The following ERCC4 variants were observed in gnomAD, a reference collection of about 807,000 sequenced individuals.
ERCC4 encodes ERCC excision repair 4, endonuclease catalytic subunit.
Under a neutral mutation model 76.9 loss-of-function variants are expected in ERCC4, and 65 were observed. The ratio of observed to expected loss-of-function variants is 0.84; its 90% CI spans 0.69 to 1.04. The LOEUF (loss-of-function observed/expected upper bound fraction) is 1.04, where lower values mean the gene tolerates loss of function less well. Ranked by LOEUF, ERCC4 falls within the 50% of genes least tolerant of loss-of-function variation. The pLI is 0.00. For missense variants in ERCC4, 1,214 were observed against 1,128.2 expected, an observed-to-expected ratio of 1.08 and a Z score of -1.09; for synonymous variants, 463 against 410.1, an observed-to-expected ratio of 1.13 and a Z score of -1.56.
intron 1 of ERCC4, among the ~76,000 whole-genome samples, chr16:13,920,696 C>G (rs1483806546): frequency 6.6e-6 from 1 of 151,898 alleles, no homozygotes; most frequent in Non-Finnish European, 1.5e-5. Flanking sequence ...ATGCCAGTCC[C>G]TGACACTGTG....
chr16:13,949,048 A>T lies in ERCC4; in HGVS notation c.*701A>T, dbSNP rs146955145. ...AGCCTTCCTACTACTAATTCAAGAC[A>T]GTCTCCTCAAAAACTGGTTGACTAG... On this transcript the variant is annotated 3_prime_UTR_variant, in exon 11 of 11. Coordinates refer to ENST00000311895, the MANE Select transcript of ERCC4 (RefSeq NM_005236.3). The T allele has an allele frequency of 1.7e-3, 407 of 233,072 alleles. No individual in the cohort carries two copies. The highest frequency in any genetic ancestry group is 8.2e-3 in the African/African-American group (374 of 45,462). The allele number at this position is 233,072 out of a possible 1,614,324, so 14.4% of individuals were successfully genotyped here.
intron 9 of ERCC4, among the ~76,000 whole-genome samples, chr16:13,944,503 A>T (rs2032477377): frequency 6.6e-6 from 1 of 152,092 alleles, no homozygotes; most frequent in Non-Finnish European, 1.5e-5. Context: ...GAAAATCAAG[A>T]AGTAGTATCC....
chr16:13,927,282 G>T (rs1193908306), intron 3 of ERCC4, among the ~76,000 whole-genome samples: 2 of 152,180 alleles, frequency 1.3e-5, no homozygotes, highest in African/African-American at 4.8e-5. Flanking sequence ...TTGTACACCG[G>T]GTGCAGTGGC....
Position 13,920,206 on chromosome 16 carries a change from C to A in ERCC4, c.41C>A (p.Pro14Gln). 1.9e-6 allele frequency: 3 copies of A among 1,607,356 alleles called. No individual in the cohort carries two copies. Among genetic ancestry groups the A allele is most frequent in the Non-Finnish European group, 2.5e-6 (3 of 1,179,928 alleles). Reference protein sequence around the residue: ...GQPARRIAMAPLLEYERQLVL... With the variant: ...GQPARRIAMAQLLEYERQLVL... ...CCGGCTCGACGGATTGCCATGGCGC[C>A]GCTGCTGGAGTACGAGCGACAGCTG... The change falls in exon 1 of 11, where the codon CCG (proline) becomes CAG (glutamine). Residue 14 changes from proline to glutamine, a missense_variant. Coordinates refer to ENST00000311895, the MANE Select transcript of ERCC4 (RefSeq NM_005236.3).
chr16:13,932,214 A>G lies in ERCC4; in HGVS notation c.1031A>G (p.Tyr344Cys), dbSNP rs145851520. The change falls in exon 6 of 11, where the codon TAT becomes TGT. Residue 344 changes from tyrosine to cysteine, a missense_variant. Transcript: ENST00000311895. ...TTTATAAATGCTCGAGCAAGGGTTT[A>G]TCATCTTCCAGATGCCAAAATGAGT... The part of the protein sequence containing the change: ...SMFINARARV[Y>C]HLPDAKMSKK... 3.9e-5 allele frequency: 63 copies of G among 1,612,574 alleles called. No homozygotes were observed. Among genetic ancestry groups the G allele is most frequent in the South Asian group, 1.1e-4 (10 of 91,006 alleles).
At chr16:13,933,112 C>T (rs971915306) in intron 6 of ERCC4, 5 of 359,810 alleles carry the variant, frequency 1.4e-5, no homozygotes, top group Non-Finnish European at 2.7e-5. Flanking sequence ...GTGCACTTAT[C>T]GTCTCAGCTA....
chr16:13,925,268 TGA>T (rs1369846057), intron 2 of ERCC4, among the ~76,000 whole-genome samples: 1 of 152,262 alleles, frequency 6.6e-6, no homozygotes. Flanking sequence ...TTTCTTAAAT[TGA>T]GTTTCTCCTT....
Position 13,935,148 on chromosome 16 carries a change from C to G in ERCC4, c.1216C>G (p.Gln406Glu). 1 of 1,610,264 alleles carries G rather than the reference C, an allele frequency of 6.2e-7. No homozygotes were observed. Among genetic ancestry groups the G allele is most frequent in the Non-Finnish European group, 8.5e-7 (1 of 1,176,536 alleles). The change falls in exon 8 of 11, where the codon CAA becomes GAA. Residue 406 changes from glutamine (Q) to glutamate (E), a missense_variant and splice_region_variant. By Grantham distance (29) the Gln-to-Glu change is conservative. Transcript: ENST00000311895. ...ATAATGTTGTTTTCTATTTTCAGGTCAAGTACTGATTTGTGCAAGTGATGA... is the reference window on the plus strand; with the variant it reads ...ATAATGTTGTTTTCTATTTTCAGGTGAAGTACTGATTTGTGCAAGTGATGA... ...KESEALGGPG[Q>E]VLICASDDRT...
intron 8 of ERCC4, among the ~76,000 whole-genome samples, chr16:13,936,076 TA>T (rs1161283245): frequency 2.6e-5 from 4 of 152,190 alleles, no homozygotes; most frequent in African/African-American, 9.7e-5. Flanking sequence ...TAACAAAAGT[TA>T]ATATAACTGT....
intron 9 of ERCC4, among the ~76,000 whole-genome samples, chr16:13,940,099 A>T (rs1453586505): frequency 2.0e-5 from 3 of 152,188 alleles, no homozygotes; most frequent in African/African-American, 7.2e-5. Context: ...AAGGATACAG[A>T]TTAAGACTGG....
At chr16:13,934,651 C>T in intron 7 of ERCC4, 1 of 276,412 alleles carries the variant, frequency 3.6e-6, no homozygotes, top group Non-Finnish European at 6.9e-6. Flanking sequence ...CTGGAATCCC[C>T]AAGGAATAAA....
In ERCC4 at chr16:13,935,303, C is replaced by G. The variant is rs760701586; in HGVS notation, c.1371C>G (p.Asp457Glu). 38 of 1,613,884 alleles carry G rather than the reference C, an allele frequency of 2.4e-5. No individual in the cohort carries two copies. The highest frequency in any genetic ancestry group is 3.1e-5 in the Non-Finnish European group (37 of 1,180,010). ...TCTGGATGAAATTTAGGAAGGAAGACAGTTCAAAGAGAATTAGGAAATCTC... is the reference window on the plus strand; with the variant it reads ...TCTGGATGAAATTTAGGAAGGAAGAGAGTTCAAAGAGAATTAGGAAATCTC... ...EEVWMKFRKEDSSKRIRKSHK... is the reference protein window; with the variant it reads ...EEVWMKFRKEESSKRIRKSHK... The change falls in exon 8 of 11, where the codon GAC becomes GAG. Residue 457 changes from aspartate to glutamate, a missense_variant. Coordinates refer to ENST00000311895, the MANE Select transcript of ERCC4 (RefSeq NM_005236.3).
At chr16:13,946,921 C>T (rs907858574) in intron 10 of ERCC4, among the ~76,000 whole-genome samples, 27 of 152,078 alleles carry the variant, frequency 1.8e-4, no homozygotes, top group Admixed American at 5.2e-4. Context: ...CCACCACACC[C>T]GGCTAATTTT....
chr16:13,940,366 C>T (rs1218543597), intron 9 of ERCC4, among the ~76,000 whole-genome samples: 2 of 150,134 alleles, frequency 1.3e-5, no homozygotes, highest in African/African-American at 4.9e-5. Context: ...CCAGCCTGGG[C>T]AACCGAGTGA....
intron 9 of ERCC4, among the ~76,000 whole-genome samples, chr16:13,943,505 GA>G (rs2032454322): frequency 6.6e-6 from 1 of 152,162 alleles, no homozygotes; most frequent in Admixed American, 6.5e-5. Context: ...TAACATGGGG[GA>G]AACCACCCCC....
At chr16:13,930,572 A>T in intron 4 of ERCC4, 138 bp from the exon 5 acceptor site, 1 of 648,442 alleles carries the variant, frequency 1.5e-6, no homozygotes, top group Admixed American at 2.9e-5. Context: ...TTATTGTAGT[A>T]AAATATATAT....
chr16:13,927,104 A>C (rs1478621890), intron 3 of ERCC4, among the ~76,000 whole-genome samples: 1 of 152,252 alleles, frequency 6.6e-6, no homozygotes, highest in Non-Finnish European at 1.5e-5. Flanking sequence ...TTATTGGCTA[A>C]CATTACCACT....
In ERCC4 at chr16:13,926,594, A is replaced by C; in HGVS notation, c.422A>C (p.Glu141Ala). Residue 141 changes from glutamate to alanine, a missense_variant, in exon 3 of 11, where the codon GAG becomes GCG. By Grantham distance (107) the Glu-to-Ala change is moderately radical. Transcript: ENST00000311895. Reference protein sequence around the residue: ...ILVYRAHRIIESCQEAFILRL... With the variant: ...ILVYRAHRIIASCQEAFILRL... ...GTGTATAGAGCCCACAGAATAATCGAGTCTTGTCAAGAAGCATTCATCTTG... is the reference window on the plus strand; with the variant it reads ...GTGTATAGAGCCCACAGAATAATCGCGTCTTGTCAAGAAGCATTCATCTTG... The C allele has an allele frequency of 6.2e-7, 1 of 1,614,166 alleles. No individual in the cohort carries two copies. The highest frequency in any genetic ancestry group is 2.2e-5 in the East Asian group (1 of 44,872).
At position 13,951,989 on chromosome 16, in the gene ERCC4, T is replaced by C. The variant is rs2032636632; in HGVS notation, c.*3642T>C. 1 of 205,300 alleles carries C rather than the reference T, an allele frequency of 4.9e-6. No homozygotes were observed. Among genetic ancestry groups the C allele is most frequent in the Non-Finnish European group, 1.0e-5 (1 of 100,500 alleles). 12.7% of individuals were successfully genotyped at this position (205,300 alleles called of 1,614,324 possible). On this transcript the variant is annotated 3_prime_UTR_variant, in exon 11 of 11. Transcript: ENST00000311895. ...TTATTTTGTTTTCTATTTTGGTTTATAGCTATTTCTGGTTCAGTTCTGAAC... is the reference window on the plus strand; with the variant it reads ...TTATTTTGTTTTCTATTTTGGTTTACAGCTATTTCTGGTTCAGTTCTGAAC...
Sources: allele counts gnomAD v4.1 joint callset (sites outside exome capture counted in the v4.1 genomes callset), GRCh38; gene constraint gnomAD v4.1.1; transcripts MANE v1.5; gene names NCBI Gene and HGNC (gene_info 2026-07-23, HGNC 2026-07-21).